TMEM45B: variants seen among roughly 807,000 people sequenced by gnomAD.
TMEM45B encodes the protein transmembrane protein 45B.
In TMEM45B, 29 loss-of-function variants were observed where a neutral mutation model predicts 27.3. The observed-to-expected ratio is 1.06, with a 90% CI of 0.79 to 1.45. TMEM45B has a LOEUF of 1.45. Among genes scored for constraint, TMEM45B ranks in the 40% most tolerant of loss-of-function variants. The pLI is 0.00. For missense variants in TMEM45B, 348 were observed against 343.9 expected (o/e 1.01, Z -0.09); for synonymous variants, 143 against 134.7 (o/e 1.06, Z -0.43).
intron 1 of TMEM45B, among the ~76,000 whole-genome samples, chr11:129,841,584 G>GTTTTT (rs1192996579): frequency 7.8e-5 from 8 of 102,570 alleles, no homozygotes; most frequent in African/African-American, 1.8e-4. Context: ...GTTTTCTTTT[G>GTTTTT]TTTTTTTGTT....
intron 1 of TMEM45B, among the ~76,000 whole-genome samples, chr11:129,849,834 C>T (rs190635703): frequency 8.5e-5 from 13 of 152,284 alleles, no homozygotes; most frequent in African/African-American, 1.9e-4. Flanking sequence ...ACTGTTCTGC[C>T]GCAAGGCTCT....
chr11:129,839,404 C>T lies in TMEM45B; in HGVS notation c.-8-13071C>T, dbSNP rs11221873. Among the ~76,000 whole-genome samples the T allele has an allele frequency of 2.0e-5, 3 of 152,256 alleles. No individual in the cohort carries two copies. In the East Asian group the frequency reaches 5.8e-4, roughly 29 times the overall value. On this transcript the variant is annotated intron_variant, in intron 1 of 5. Coordinates refer to ENST00000281441, the MANE Select transcript of TMEM45B (RefSeq NM_138788.5). Reference sequence around the variant, plus strand: ...AGACAGCCCAGCAGAAAGTGAAAGGCAAAGTTACTACCTGTCCAAAACATT... The same window carrying T: ...AGACAGCCCAGCAGAAAGTGAAAGGTAAAGTTACTACCTGTCCAAAACATT...
At position 129,820,052 on chromosome 11, in the gene TMEM45B, G is replaced by A. The variant is rs1565361412; in HGVS notation, c.-9+4154G>A. ...TTTTGGGCCAGACACAGTGGCTCACGCCTGTAATTCCAGCATTTTGGGAGG... is the reference window on the plus strand; with the variant it reads ...TTTTGGGCCAGACACAGTGGCTCACACCTGTAATTCCAGCATTTTGGGAGG... On this transcript the variant is annotated intron_variant, in intron 1 of 5. Transcript: ENST00000281441. Among the ~76,000 whole-genome samples the A allele has an allele frequency of 2.6e-5, 4 of 151,932 alleles. No homozygotes were observed. The South Asian group carries it at 6.2e-4, about 24-fold the overall frequency.
chr11:129,840,455 T>C (rs1947675848), intron 1 of TMEM45B, among the ~76,000 whole-genome samples: 1 of 152,214 alleles, frequency 6.6e-6, no homozygotes, highest in Non-Finnish European at 1.5e-5. Context: ...CTGTGCAGTT[T>C]TGACCTACAT....
chr11:129,847,419 T>TA (rs1392339665), intron 1 of TMEM45B, among the ~76,000 whole-genome samples: 1 of 151,952 alleles, frequency 6.6e-6, no homozygotes, highest in Non-Finnish European at 1.5e-5. Flanking sequence ...TTTTTTTTAT[T>TA]TTTTTTTATT....
chr11:129,858,812 C>A lies in TMEM45B; in HGVS notation c.*127C>A. 1 of 631,424 alleles carries A rather than the reference C, an allele frequency of 1.6e-6. No individual in the cohort carries two copies. The highest frequency in any genetic ancestry group is 2.0e-5 in the South Asian group (1 of 49,582). The allele number at this position is 631,424 out of a possible 1,614,324, so 39.1% of individuals were successfully genotyped here. The stretch of plus-strand genomic sequence containing the variant: ...TATATTTGCACCTCCTCATTCAACA[C>A]AGGGCTGGAGGTTCTACAACAGGAA... On this transcript the variant is annotated 3_prime_UTR_variant, in exon 6 of 6. Transcript: ENST00000281441.
chr11:129,858,515 CT>C, intron 5 of TMEM45B, 58 bp from the exon 6 acceptor site: 1 of 1,251,102 alleles, frequency 8.0e-7, no homozygotes, highest in South Asian at 1.3e-5. Flanking sequence ...CCTTCACATC[CT>C]TGGTAATGGA....
rs758588191 is a variant in TMEM45B, at chr11:129,854,832, G to A, written c.385+16G>A. 5.2e-5 allele frequency: 84 copies of A among 1,608,692 alleles called. No individual in the cohort carries two copies. The highest frequency in any genetic ancestry group is 1.4e-4 in the South Asian group (13 of 91,000). On this transcript the variant is annotated intron_variant, in intron 3 of 5. Coordinates refer to ENST00000281441, the MANE Select transcript of TMEM45B (RefSeq NM_138788.5). ...TTCATGGAAGGTAATTTTGTGGAAC[G>A]GATGGAGAGGAAGGAGAGCCTGACA...
intron 1 of TMEM45B, among the ~76,000 whole-genome samples, chr11:129,827,492 G>A (rs1409244880): frequency 6.6e-6 from 1 of 151,966 alleles, no homozygotes; most frequent in East Asian, 1.9e-4. Flanking sequence ...ATCTAAACAC[G>A]GAAAACATGC....
At chr11:129,852,916 G>A (rs143821824) in intron 2 of TMEM45B, 72 of 345,398 alleles carry the variant, frequency 2.1e-4, no homozygotes, top group African/African-American at 1.5e-3. Flanking sequence ...GAAAGTTGTA[G>A]GAGCAAAACA....
chr11:129,839,868 G>A lies in TMEM45B; in HGVS notation c.-8-12607G>A, dbSNP rs148879537. Among the ~76,000 whole-genome samples the A allele has an allele frequency of 5.8e-3, 881 of 152,186 alleles. 14 individuals carry two copies. The highest frequency in any genetic ancestry group is 0.02 in the African/African-American group (822 of 41,510). On this transcript the variant is annotated intron_variant, in intron 1 of 5. Transcript: ENST00000281441. ...CTATCTGATATTTGTTTTCCTATTT[G>A]TAAGTTTGTCCTTAGATTGAAAGGT...
intron 1 of TMEM45B, among the ~76,000 whole-genome samples, chr11:129,849,690 T>C (rs1199407174): frequency 6.6e-6 from 1 of 152,192 alleles, no homozygotes; most frequent in African/African-American, 2.4e-5. Context: ...TGGCCCAACC[T>C]GCACCTGGTC....
At chr11:129,847,475 C>T (rs1438984274) in intron 1 of TMEM45B, among the ~76,000 whole-genome samples, 10 of 150,172 alleles carry the variant, frequency 6.7e-5, no homozygotes, top group Non-Finnish European at 1.0e-4. Context: ...GGCAGGGTCA[C>T]AGGACAATAG....
At chr11:129,834,777 C>T (rs1043336697) in intron 1 of TMEM45B, among the ~76,000 whole-genome samples, 4 of 149,812 alleles carry the variant, frequency 2.7e-5, no homozygotes, top group African/African-American at 9.9e-5. Context: ...TGCCACTGCA[C>T]TCCAGCCTGG....
intron 1 of TMEM45B, among the ~76,000 whole-genome samples, chr11:129,832,251 T>C (rs1473831029): frequency 6.6e-6 from 1 of 150,576 alleles, no homozygotes; most frequent in Non-Finnish European, 1.5e-5. Flanking sequence ...GCTCCTGGAG[T>C]CCCAGCTACT....
intron 1 of TMEM45B, among the ~76,000 whole-genome samples, chr11:129,842,055 C>T (rs975530615): frequency 3.3e-5 from 5 of 152,030 alleles, no homozygotes; most frequent in African/African-American, 1.2e-4. Flanking sequence ...TAGATGGGCT[C>T]AATAGCAGAT....
intron 2 of TMEM45B, chr11:129,852,882 C>CA: frequency 2.5e-6 from 1 of 400,204 alleles, no homozygotes; most frequent in Non-Finnish European, 4.3e-6. Flanking sequence ...GTGAAAAACT[C>CA]AAATCAACAA....
chr11:129,826,857 A>T (rs1217303674), intron 1 of TMEM45B, among the ~76,000 whole-genome samples: 1 of 151,376 alleles, frequency 6.6e-6, no homozygotes, highest in Non-Finnish European at 1.5e-5. Flanking sequence ...ACAGGCACCC[A>T]CCACCATGCC....
At chr11:129,845,564 T>C (rs1346044113) in intron 1 of TMEM45B, among the ~76,000 whole-genome samples, 2 of 152,032 alleles carry the variant, frequency 1.3e-5, no homozygotes, top group Non-Finnish European at 2.9e-5. Context: ...AATGGTATAC[T>C]AAAATTACTT....
Sources: gnomAD v4.1 joint callset for allele counts (sites outside exome capture counted in the v4.1 genomes callset) on GRCh38, gnomAD v4.1.1 for gene constraint, MANE v1.5 for transcripts, NCBI Gene and HGNC (gene_info 2026-07-23, HGNC 2026-07-21) for gene names.